The following GALK2 variants were observed in gnomAD, a reference collection of about 807,000 sequenced individuals.
GALK2 encodes the protein N-acetylgalactosamine kinase.
A neutral mutation model predicts 52.4 loss-of-function variants in GALK2; 36 were observed. The ratio of observed to expected loss-of-function variants is 0.69; its 90% CI spans 0.53 to 0.91. The LOEUF (loss-of-function observed/expected upper bound fraction) is 0.91. GALK2 is among the 40% of genes least tolerant of loss of function. The pLI is 0.00. For missense variants in GALK2, 579 were observed against 559.1 expected (o/e 1.04, Z -0.36); for synonymous variants, 176 against 199.1 (o/e 0.88, Z 0.98).
chr15:49,261,271 G>T (rs2092096432), intron 5 of GALK2, among the ~76,000 whole-genome samples: 1 of 148,204 alleles, frequency 6.7e-6, no homozygotes. Context: ...TCTCCTTGAA[G>T]AGGTCCTTCA....
At chr15:49,349,197 AT>A (rs1338349128) in intron 3 of GALK2, among the ~76,000 whole-genome samples, 1 of 152,156 alleles carries the variant, frequency 6.6e-6, no homozygotes, top group African/African-American at 2.4e-5. Flanking sequence ...AGATATTACA[AT>A]TTTTTAATTG....
rs890578646 is a variant in GALK2 at position 49,253,845 on chromosome 15, A to G, written c.504+14478A>G. Among the ~76,000 whole-genome samples, 19 of 143,874 alleles carry G rather than the reference A, an allele frequency of 1.3e-4. 2 individuals carry two copies. Among genetic ancestry groups the G allele is most frequent in the African/African-American group, 4.7e-4 (19 of 40,124 alleles). The allele number at this position is 143,874 out of a possible 152,430, so 94.4% of individuals were successfully genotyped here. ...TTTGGACCTTAAAACACCAAGCATCATCATCATCATCATCATCAACAACAA... is the reference window on the plus strand; with the variant it reads ...TTTGGACCTTAAAACACCAAGCATCGTCATCATCATCATCATCAACAACAA... On this transcript the variant is annotated intron_variant, in intron 5 of 9. Transcript: ENST00000560031.
intron 1 of GALK2, chr15:49,159,100 C>T (rs1319560890): frequency 6.6e-5 from 10 of 152,256 alleles, no homozygotes; most frequent in Admixed American, 6.5e-4. Flanking sequence ...AGGTGTGAAC[C>T]ACATTGCCCA....
intron 1 of GALK2, among the ~76,000 whole-genome samples, chr15:49,158,494 A>G (rs539140034): frequency 2.0e-5 from 3 of 152,216 alleles, no homozygotes; most frequent in African/African-American, 4.8e-5. Flanking sequence ...TCCATTTGTC[A>G]TAATGGTAAC....
chr15:49,209,223 A>G (rs1339235102), intron 2 of GALK2, among the ~76,000 whole-genome samples: 4 of 152,072 alleles, frequency 2.6e-5, no homozygotes, highest in African/African-American at 9.7e-5. Context: ...TCAGCTCTAA[A>G]AGCTTTTTAT....
chr15:49,268,495 G>A (rs976638156), intron 5 of GALK2, among the ~76,000 whole-genome samples: 2 of 152,234 alleles, frequency 1.3e-5, no homozygotes, highest in African/African-American at 2.4e-5. Context: ...ACTGAAAGAT[G>A]TGGATAGAAA....
intron 1 of GALK2, chr15:49,156,090 G>A (rs2084438226): frequency 1.7e-5 from 24 of 1,437,974 alleles, no homozygotes; most frequent in East Asian, 2.3e-5. Flanking sequence ...GATACTTGGA[G>A]TACTTTTCAG....
intron 5 of GALK2, among the ~76,000 whole-genome samples, chr15:49,252,481 A>C (rs1267732511): frequency 6.6e-6 from 1 of 152,170 alleles, no homozygotes; most frequent in Non-Finnish European, 1.5e-5. Context: ...TGGCCTGACT[A>C]TTGGACATTT....
chr15:49,327,100 G>GTGAT (rs2151107740), intron 9 of GALK2: 1 of 152,324 alleles, frequency 6.6e-6, no homozygotes, highest in African/African-American at 2.4e-5. Context: ...TGTGTACATT[G>GTGAT]TGATAGGGCC....
At chr15:49,161,332 G>C (rs552535866) in intron 1 of GALK2, among the ~76,000 whole-genome samples, 2 of 152,316 alleles carry the variant, frequency 1.3e-5, no homozygotes, top group African/African-American at 4.8e-5. Context: ...CATGCTGCTT[G>C]AGTACACAGG....
intron 1 of GALK2, among the ~76,000 whole-genome samples, chr15:49,198,163 GT>G (rs2087405966): frequency 6.6e-6 from 1 of 152,120 alleles, no homozygotes; most frequent in African/African-American, 2.4e-5. Flanking sequence ...CTCATTGCTT[GT>G]GATGTATTCT....
chr15:49,288,975 G>T (rs1006524383), intron 7 of GALK2, among the ~76,000 whole-genome samples: 2 of 152,118 alleles, frequency 1.3e-5, no homozygotes, highest in Non-Finnish European at 2.9e-5. Context: ...TTTCCTTCTG[G>T]CATATACTTC....
In GALK2 at chr15:49,292,431, A is replaced by C; in HGVS notation, c.861A>C (p.Glu287Asp). 1.9e-6 allele frequency: 3 copies of C among 1,614,050 alleles called. No homozygotes were observed. The highest frequency in any genetic ancestry group is 2.5e-6 in the Non-Finnish European group (3 of 1,179,942). ...TAGAAGAAATGCTGTTGGTCACAGA[A>C]GATGCCCTTCATCCTGAACCCTATA... ...ISLEEMLLVTEDALHPEPYNP... is the reference protein window; with the variant it reads ...ISLEEMLLVTDDALHPEPYNP... Residue 287 changes from glutamate to aspartate, a missense_variant, in exon 8 of 10, where the codon GAA (glutamate) becomes GAC (aspartate). Transcript: ENST00000560031.
intron 1 of GALK2, among the ~76,000 whole-genome samples, chr15:49,190,852 C>T (rs1378621427): frequency 6.6e-6 from 1 of 152,086 alleles, no homozygotes; most frequent in Non-Finnish European, 1.5e-5. Flanking sequence ...TGTTACTTCC[C>T]TTTTTTTGTC....
At position 49,329,009 on chromosome 15, in the gene GALK2, T is replaced by A. The variant is rs965373954; in HGVS notation, c.*850T>A. 2.0e-4 allele frequency: 201 copies of A among 1,003,830 alleles called. No homozygotes were observed. Among genetic ancestry groups the A allele is most frequent in the Non-Finnish European group, 2.3e-4 (194 of 847,610 alleles). The allele number at this position is 1,003,830 out of a possible 1,614,324, so 62.2% of individuals were successfully genotyped here. On this transcript the variant is annotated 3_prime_UTR_variant, in exon 10 of 10. Coordinates refer to ENST00000560031, the MANE Select transcript of GALK2 (RefSeq NM_002044.4). ...AATTCAGTTTGTTCATAGAATTACTTTCTTATCACTCTTTTTCTACTACTT... is the reference window on the plus strand; with the variant it reads ...AATTCAGTTTGTTCATAGAATTACTATCTTATCACTCTTTTTCTACTACTT...
chr15:49,208,122 TTTTG>T (rs1023375377), intron 2 of GALK2, among the ~76,000 whole-genome samples: 2 of 152,182 alleles, frequency 1.3e-5, no homozygotes, highest in Admixed American at 6.5e-5. Flanking sequence ...ACCTTTTGTA[TTTTG>T]TTTGTTTGTT....
downstream of GALK2, among the ~76,000 whole-genome samples, chr15:49,336,209 G>A (rs2039686165): frequency 6.6e-6 from 1 of 152,218 alleles, no homozygotes; most frequent in South Asian, 2.1e-4. Flanking sequence ...CCTGGCTTCT[G>A]CCATCTTCCC....
At chr15:49,214,083 G>A (rs2089168818) in intron 2 of GALK2, among the ~76,000 whole-genome samples, 1 of 152,154 alleles carries the variant, frequency 6.6e-6, no homozygotes, top group East Asian at 1.9e-4. Context: ...TCATGCCACT[G>A]CACTCCAGCC....
chr15:49,366,348 A>G lies in GALK2; in HGVS notation c.427-1143A>G, dbSNP rs868669464. On this transcript the variant is annotated intron_variant, in intron 3 of 3. Coordinates refer to the GALK2 transcript ENST00000558399. ...AATAGGATACTGTTATTGACAACCA[A>G]CATTGCTTCAGCACCTCTTTTCTGT... 1.3e-5 allele frequency: 10 copies of G among 787,022 alleles called. No individual in the cohort carries two copies. The Middle Eastern group carries it at 1.1e-3, about 89-fold the overall frequency. 48.8% of individuals were successfully genotyped at this position (787,022 alleles called of 1,614,324 possible). A position where few individuals can be genotyped will look rare whatever the true frequency, so the allele number is the denominator to read the frequency against.
Sources: gnomAD v4.1 joint callset for allele counts (sites outside exome capture counted in the v4.1 genomes callset) on GRCh38, gnomAD v4.1.1 for gene constraint, MANE v1.5 for transcripts, NCBI Gene and HGNC (gene_info 2026-07-23, HGNC 2026-07-21) for gene names.